The following ZKSCAN8 variants were observed in gnomAD, a reference collection of about 807,000 sequenced individuals.
ZKSCAN8 encodes zinc finger protein with KRAB and SCAN domains 8.
Under a neutral mutation model 57.2 loss-of-function variants are expected in ZKSCAN8, and 27 were observed. The observed-to-expected ratio is 0.47, with a 90% confidence interval of 0.35 to 0.65. The LOEUF (loss-of-function observed/expected upper bound fraction) is 0.65, where lower values mean the gene tolerates loss of function less well. ZKSCAN8 is among the 30% of genes least tolerant of loss of function. The pLI, the probability that ZKSCAN8 is intolerant of heterozygous loss-of-function variation, is 0.01. For synonymous variants in ZKSCAN8, 214 were observed against 248.7 expected, an observed-to-expected ratio of 0.86 and a Z score of 1.31; for missense variants, 597 against 696.3, an observed-to-expected ratio of 0.86 and a Z score of 1.60.
chr6:28,158,662 A>G lies in ZKSCAN8; in HGVS notation c.*4645A>G, dbSNP rs1765865588. 2 of 152,110 alleles carry G rather than the reference A, an allele frequency of 1.3e-5. No individual in the cohort carries two copies. Among genetic ancestry groups the G allele is most frequent in the African/African-American group, 4.8e-5 (2 of 41,406 alleles). 9.4% of individuals were successfully genotyped at this position (152,110 alleles called of 1,614,324 possible). On this transcript the variant is annotated 3_prime_UTR_variant, in exon 6 of 6. Coordinates refer to ENST00000330236, the MANE Select transcript of ZKSCAN8 (RefSeq NM_006298.4). ...GATCTCCCATTTCTCTCATCCCATT[A>G]TAGCTTTTCATGTAGATCTGAGGCC...
At chr6:28,150,712 G>A (rs1581525043) in intron 3 of ZKSCAN8, among the ~76,000 whole-genome samples, 1 of 152,154 alleles carries the variant, frequency 6.6e-6, no homozygotes, top group East Asian at 1.9e-4. Context: ...TTGTAAAGGA[G>A]AGTGCTCCCT....
At chr6:28,149,045 G>C (rs1765500670) in intron 2 of ZKSCAN8, among the ~76,000 whole-genome samples, 1 of 152,132 alleles carries the variant, frequency 6.6e-6, no homozygotes, top group Non-Finnish European at 1.5e-5. Flanking sequence ...CGACTGTATT[G>C]TTCTTGTTTG....
Position 28,148,761 on chromosome 6 carries a change from C to G in ZKSCAN8, c.354C>G (p.Asn118Lys), listed in dbSNP as rs1293253104. 1.2e-6 allele frequency: 2 copies of G among 1,613,936 alleles called. No homozygotes were observed. Among genetic ancestry groups the G allele is most frequent in the Admixed American group, 1.7e-5 (1 of 59,992 alleles). ...QTLVKEHQLE[N>K]GEEVVTLLED... ...TGGTTAAGGAACATCAGCTAGAGAA[C>G]GGAGAGGAGGTGGTGACCCTATTAG... Residue 118 changes from asparagine to lysine, a missense_variant, in exon 2 of 6, where the codon AAC (asparagine) becomes AAG (lysine). Physicochemically the swap from Asn to Lys is moderately conservative, Grantham distance 94 (BLOSUM62 0). Transcript: ENST00000330236.
In ZKSCAN8 at chr6:28,157,003, T is replaced by A. The variant is rs1332950327; in HGVS notation, c.*2986T>A. 1 of 152,224 alleles carries A rather than the reference T, an allele frequency of 6.6e-6. No individual in the cohort carries two copies. The highest frequency in any genetic ancestry group is 2.4e-5 in the African/African-American group (1 of 41,452). 9.4% of individuals were successfully genotyped at this position (152,224 alleles called of 1,614,324 possible). A position where few individuals can be genotyped will look rare whatever the true frequency, so the allele number is the denominator to read the frequency against. ...TGTGCCCAACCCTGTTATGCCTTTCTCAGGCTCATGATAAATGTATTAGTC... is the reference window on the plus strand; with the variant it reads ...TGTGCCCAACCCTGTTATGCCTTTCACAGGCTCATGATAAATGTATTAGTC... On this transcript the variant is annotated 3_prime_UTR_variant, in exon 6 of 6. Transcript: ENST00000330236.
chr6:28,145,526 G>A (rs537552327), intron 1 of ZKSCAN8, among the ~76,000 whole-genome samples: 1 of 152,028 alleles, frequency 6.6e-6, no homozygotes, highest in South Asian at 2.1e-4. Context: ...TGGCAGTACA[G>A]GGCTACTGTA....
Position 28,155,005 on chromosome 6 carries a change from C to G in ZKSCAN8, c.*988C>G, listed in dbSNP as rs1385398584. On this transcript the variant is annotated 3_prime_UTR_variant, in exon 6 of 6. Coordinates refer to ENST00000330236, the MANE Select transcript of ZKSCAN8 (RefSeq NM_006298.4). ...TCTTTTTTGGCCCATTACAATACTG[C>G]TTTCTCAGGTTCTTAACAGCCTGTG... 6.6e-6 allele frequency: 1 copy of G among 152,594 alleles called. No individual in the cohort carries two copies. The highest frequency in any genetic ancestry group is 1.5e-5 in the Non-Finnish European group (1 of 68,036). The allele number at this position is 152,594 out of a possible 1,614,324, so 9.5% of individuals were successfully genotyped here.
At chr6:28,149,220 C>A (rs1159519805) in intron 2 of ZKSCAN8, among the ~76,000 whole-genome samples, 2 of 152,140 alleles carry the variant, frequency 1.3e-5, no homozygotes, top group African/African-American at 4.8e-5. Context: ...CCTTCCTCTG[C>A]CTTAGGAGTA....
rs1372553992 is a variant in ZKSCAN8 at position 28,154,193 on chromosome 6, G to A, written c.*176G>A. 1 of 828,464 alleles carries A rather than the reference G, an allele frequency of 1.2e-6. No homozygotes were observed. Among genetic ancestry groups the A allele is most frequent in the Non-Finnish European group, 1.8e-6 (1 of 553,432 alleles). 51.3% of individuals were successfully genotyped at this position (828,464 alleles called of 1,614,324 possible). On this transcript the variant is annotated 3_prime_UTR_variant, in exon 6 of 6. Coordinates refer to ENST00000330236, the MANE Select transcript of ZKSCAN8 (RefSeq NM_006298.4). The stretch of plus-strand genomic sequence containing the variant: ...AATTTGGGCCCAGTGCCTTGGTGAA[G>A]GTTGATTAGCTTGACTGTCTTTGAA...
intron 1 of ZKSCAN8, among the ~76,000 whole-genome samples, 190 bp from the exon 2 acceptor site, chr6:28,148,126 T>C (rs1391523390): frequency 6.6e-6 from 1 of 152,144 alleles, no homozygotes; most frequent in African/African-American, 2.4e-5. Flanking sequence ...GGTTTTTCTA[T>C]GGATGGGTTT....
rs1485397486 is a variant in ZKSCAN8 at position 28,158,405 on chromosome 6, T to A, written c.*4388T>A. 1 of 152,190 alleles carries A rather than the reference T, an allele frequency of 6.6e-6. No individual in the cohort carries two copies. The highest frequency in any genetic ancestry group is 1.5e-5 in the Non-Finnish European group (1 of 68,034). The allele number at this position is 152,190 out of a possible 1,614,324, so 9.4% of individuals were successfully genotyped here. A position where few individuals can be genotyped will look rare whatever the true frequency, so the allele number is the denominator to read the frequency against. On this transcript the variant is annotated 3_prime_UTR_variant, in exon 6 of 6. Transcript: ENST00000330236. ...GGGTCAGTTTGTGACTTTTGGAATT[T>A]TCCACAGGTACCTGTACAACTTGAT... is the stretch of plus-strand genomic sequence containing the variant.
rs750654730 is a variant in ZKSCAN8 at position 28,157,814 on chromosome 6, G to A, written c.*3797G>A. On this transcript the variant is annotated 3_prime_UTR_variant, in exon 6 of 6. Transcript: ENST00000330236. ...TATATTTTTCTCCAAACTGCCAAAG[G>A]GAAAGTAGAATTGTGGAGGGAAATG... 40 of 152,200 alleles carry A rather than the reference G, an allele frequency of 2.6e-4. No individual in the cohort carries two copies. Among genetic ancestry groups the A allele is most frequent in the Non-Finnish European group, 4.1e-4 (28 of 67,992 alleles). 9.4% of individuals were successfully genotyped at this position (152,200 alleles called of 1,614,324 possible). A position where few individuals can be genotyped will look rare whatever the true frequency, so the allele number is the denominator to read the frequency against.
At position 28,153,957 on chromosome 6, in the gene ZKSCAN8, A is replaced by G. The variant is rs1356810050; in HGVS notation, c.1677A>G (p.Ser559=). 7 of 1,612,570 alleles carry G rather than the reference A, an allele frequency of 4.3e-6. No individual in the cohort carries two copies. In the South Asian group the frequency reaches 7.7e-5, roughly 18 times the overall value. ...GTGGGAAAGCCTTTATTCAGAGGTC[A>G]AGTCTCATTCGACATCAGAGAATCC... The part of the protein sequence containing the change: ...NECGKAFIQR[S]SLIRHQRIHS... Residue 559 remains serine, a synonymous_variant, in exon 6 of 6, where the codon TCA becomes TCG. Transcript: ENST00000330236.
At position 28,154,970 on chromosome 6, in the gene ZKSCAN8, T is replaced by C. The variant is rs1765737589; in HGVS notation, c.*953T>C. The C allele has an allele frequency of 6.6e-6, 1 of 152,628 alleles. No homozygotes were observed. Among genetic ancestry groups the C allele is most frequent in the Admixed American group, 6.5e-5 (1 of 15,274 alleles). The allele number at this position is 152,628 out of a possible 1,614,324, so 9.5% of individuals were successfully genotyped here. A position where few individuals can be genotyped will look rare whatever the true frequency, so the allele number is the denominator to read the frequency against. ...AGGAAGATAAAAACCTTACAAAGAA[T>C]GTATACTCATCTTTTTTGGCCCATT... On this transcript the variant is annotated 3_prime_UTR_variant, in exon 6 of 6. Transcript: ENST00000330236.
chr6:28,147,763 A>G (rs996921780), intron 1 of ZKSCAN8, among the ~76,000 whole-genome samples: 2 of 152,206 alleles, frequency 1.3e-5, no homozygotes, highest in Non-Finnish European at 2.9e-5. Context: ...GGTCACGTCC[A>G]TAGTAGAGGA....
chr6:28,148,370 G>C lies in ZKSCAN8; in HGVS notation c.-38G>C. 6.3e-7 allele frequency: 1 copy of C among 1,580,802 alleles called. No individual in the cohort carries two copies. The highest frequency in any genetic ancestry group is 8.6e-7 in the Non-Finnish European group (1 of 1,163,630). ...AGTCTTCTCTTAAGAAGATAAAGAA[G>C]GTAGTGGAAACGAACTTCCTGAGCT... is the stretch of plus-strand genomic sequence containing the variant. On this transcript the variant is annotated 5_prime_UTR_variant, in exon 2 of 6. Transcript: ENST00000330236.
chr6:28,152,960 T>C (rs554366009), intron 5 of ZKSCAN8, 96 bp from the exon 6 acceptor site: 1 of 1,521,956 alleles, frequency 6.6e-7, no homozygotes, highest in East Asian at 2.3e-5. Context: ...TGTTCATGTG[T>C]ACTTTCCTTT....
chr6:28,155,054 GT>G lies in ZKSCAN8; in HGVS notation c.*1038del, dbSNP rs554339985. The G allele has an allele frequency of 1.2e-3, 176 of 152,736 alleles. No homozygotes were observed. The highest frequency in any genetic ancestry group is 4.1e-3 in the African/African-American group (170 of 41,540). 9.5% of individuals were successfully genotyped at this position (152,736 alleles called of 1,614,324 possible). ...TGCAAACTCCCTGACTAGATGGTCTGTCACTCCTATCATTACCTTGCACCCA... is the reference window on the plus strand; with the variant it reads ...TGCAAACTCCCTGACTAGATGGTCTGCACTCCTATCATTACCTTGCACCCA... On this transcript the variant is annotated 3_prime_UTR_variant, in exon 6 of 6. Coordinates refer to ENST00000330236, the MANE Select transcript of ZKSCAN8 (RefSeq NM_006298.4).
chr6:28,155,145 T>C lies in ZKSCAN8; in HGVS notation c.*1128T>C, dbSNP rs1765742233. 6.6e-6 allele frequency: 1 copy of C among 152,384 alleles called. No individual in the cohort carries two copies. Among genetic ancestry groups the C allele is most frequent in the South Asian group, 2.1e-4 (1 of 4,830 alleles). 9.4% of individuals were successfully genotyped at this position (152,384 alleles called of 1,614,324 possible). On this transcript the variant is annotated 3_prime_UTR_variant, in exon 6 of 6. Coordinates refer to ENST00000330236, the MANE Select transcript of ZKSCAN8 (RefSeq NM_006298.4). ...ATCTGTTTCTTGCCATTAGTTTATA[T>C]GACTTTAATATCCACAGTGGTAATC...
Position 28,156,691 on chromosome 6 carries a change from C to T in ZKSCAN8, c.*2674C>T, listed in dbSNP as rs9295759. The T allele has an allele frequency of 0.23, 34,957 of 152,502 alleles. 4,140 individuals are homozygous for T. The highest frequency in any genetic ancestry group is 0.28 in the African/African-American group (11,758 of 41,474). The allele number at this position is 152,502 out of a possible 1,614,324, so 9.4% of individuals were successfully genotyped here. ...ATGGCATTCATTAAGCTCCTTTATC[C>T]TATAGATTCTATCTTTATGTTCATC... On this transcript the variant is annotated 3_prime_UTR_variant, in exon 6 of 6. Coordinates refer to ENST00000330236, the MANE Select transcript of ZKSCAN8 (RefSeq NM_006298.4).
Sources: allele counts gnomAD v4.1 joint callset (sites outside exome capture counted in the v4.1 genomes callset), GRCh38; gene constraint gnomAD v4.1.1; transcripts MANE v1.5; gene names NCBI Gene and HGNC (gene_info 2026-07-23, HGNC 2026-07-21).